Variants in SCHIP1 observed in about 807,000 individuals in gnomAD.
The protein encoded by SCHIP1 is schwannomin interacting protein 1, also known as schwannomin-interacting protein 1.
A neutral mutation model predicts 29.7 loss-of-function variants in SCHIP1; 8 were observed. The ratio of observed to expected loss-of-function variants is 0.27; its 90% CI spans 0.16 to 0.49. SCHIP1 has a LOEUF of 0.49. Among genes scored for constraint, SCHIP1 ranks in the 20% least tolerant of loss-of-function variants. SCHIP1 has a pLI of 0.99. For missense variants in SCHIP1, 193 were observed against 294.6 expected (o/e 0.66, Z 2.52); for synonymous variants, 76 against 94.9 (o/e 0.80, Z 1.16).
the SCHIP1 span, among the ~76,000 whole-genome samples, chr3:159,362,030 G>A: frequency 6.6e-6 from 1 of 152,156 alleles, no homozygotes; most frequent in African/African-American, 2.4e-5. Flanking sequence ...TATATAGTTG[G>A]TGAAGTCATT....
the SCHIP1 span, among the ~76,000 whole-genome samples, chr3:159,755,347 G>A: frequency 6.6e-6 from 1 of 152,148 alleles, no homozygotes; most frequent in Non-Finnish European, 1.5e-5. Flanking sequence ...TTATATGGAT[G>A]GCAGCAGGCA....
At chr3:159,511,039 T>C in the SCHIP1 span, among the ~76,000 whole-genome samples, 1 of 152,220 alleles carries the variant, frequency 6.6e-6, no homozygotes, top group African/African-American at 2.4e-5. Context: ...CTGCTGCCTT[T>C]TGTTTGGCTA....
At chr3:159,631,683 G>A in the SCHIP1 span, among the ~76,000 whole-genome samples, 1 of 152,142 alleles carries the variant, frequency 6.6e-6, no homozygotes, top group African/African-American at 2.4e-5. Flanking sequence ...ATGGGGAATA[G>A]GGAGTTATCG....
the SCHIP1 span, among the ~76,000 whole-genome samples, chr3:159,774,440 G>A: frequency 6.6e-6 from 1 of 152,116 alleles, no homozygotes; most frequent in Non-Finnish European, 1.5e-5. Flanking sequence ...ATTATGTCAA[G>A]CATGTTCTCC....
the SCHIP1 span, among the ~76,000 whole-genome samples, chr3:159,277,707 A>C: frequency 6.9e-6 from 1 of 144,108 alleles, no homozygotes; most frequent in African/African-American, 2.4e-5. Context: ...GGATCACCTG[A>C]GGTCAGGAGT....
At chr3:159,611,599 T>A in the SCHIP1 span, among the ~76,000 whole-genome samples, 1 of 151,998 alleles carries the variant, frequency 6.6e-6, no homozygotes, top group Non-Finnish European at 1.5e-5. Context: ...AAAACCTAGA[T>A]GACGGGTTGA....
At chr3:159,840,981 G>A (rs1413935965) in intron 1 of SCHIP1, among the ~76,000 whole-genome samples, 1 of 152,180 alleles carries the variant, frequency 6.6e-6, no homozygotes, top group Non-Finnish European at 1.5e-5. Flanking sequence ...CAGACAGCAA[G>A]AATGTTCTCA....
chr3:159,434,507 C>T, the SCHIP1 span, among the ~76,000 whole-genome samples: 4 of 152,204 alleles, frequency 2.6e-5, no homozygotes. Context: ...GTTAGTGTAT[C>T]AGCAATTCCA....
chr3:159,641,455 T>C, the SCHIP1 span, among the ~76,000 whole-genome samples: 1 of 152,202 alleles, frequency 6.6e-6, no homozygotes, highest in Non-Finnish European at 1.5e-5. Context: ...AGTTATGCTC[T>C]TAAATTTTAG....
In SCHIP1 at chr3:159,889,819, G is replaced by T. The variant is rs192255218; in HGVS notation, c.589+876G>T. ...TGAATTTAAAAAAGAAAAGCTGGCC[G>T]GGCGCGGTGGCTCATGCCTGTGATC... is the stretch of plus-strand genomic sequence containing the variant. On this transcript the variant is annotated intron_variant, in intron 5 of 6. Coordinates refer to ENST00000445224, the Ensembl canonical transcript of SCHIP1. Among the ~76,000 whole-genome samples, 15 of 152,294 alleles carry T rather than the reference G, an allele frequency of 9.8e-5. No individual in the cohort carries two copies. In the East Asian group the frequency reaches 2.7e-3, roughly 27 times the overall value.
chr3:159,430,763 A>G, the SCHIP1 span, among the ~76,000 whole-genome samples: 6 of 152,304 alleles, frequency 3.9e-5, no homozygotes, highest in African/African-American at 1.4e-4. Flanking sequence ...AAGTAGGCAT[A>G]TGTCTAAAGC....
At chr3:159,709,955 G>C in the SCHIP1 span, among the ~76,000 whole-genome samples, 1 of 152,174 alleles carries the variant, frequency 6.6e-6, no homozygotes, top group African/African-American at 2.4e-5. Flanking sequence ...GCAAAGATGT[G>C]GAGAAAAGGG....
At chr3:159,573,419 G>C in the SCHIP1 span, among the ~76,000 whole-genome samples, 3 of 151,926 alleles carry the variant, frequency 2.0e-5, no homozygotes, top group African/African-American at 7.2e-5. Flanking sequence ...ATTCTTTTAA[G>C]AATGTTGAAT....
At chr3:159,610,689 C>T in the SCHIP1 span, among the ~76,000 whole-genome samples, 2 of 151,978 alleles carry the variant, frequency 1.3e-5, no homozygotes, top group East Asian at 1.9e-4. Flanking sequence ...CTATCATTAG[C>T]GTGAAATCGT....
At chr3:159,522,719 A>G in the SCHIP1 span, among the ~76,000 whole-genome samples, 1 of 152,130 alleles carries the variant, frequency 6.6e-6, no homozygotes, top group Admixed American at 6.5e-5. Context: ...AAATACAAAA[A>G]TTAGCCGGGC....
the SCHIP1 span, among the ~76,000 whole-genome samples, chr3:159,300,257 A>G: frequency 6.6e-6 from 1 of 150,964 alleles, no homozygotes; most frequent in African/African-American, 2.4e-5. Flanking sequence ...TACCAAGTTG[A>G]TGGGACTACA....
At chr3:159,628,345 T>A in the SCHIP1 span, among the ~76,000 whole-genome samples, 1 of 152,190 alleles carries the variant, frequency 6.6e-6, no homozygotes, top group East Asian at 1.9e-4. Flanking sequence ...ATAGTTAACA[T>A]CATCCAGAGC....
the SCHIP1 span, among the ~76,000 whole-genome samples, chr3:159,353,010 A>G: frequency 6.6e-6 from 1 of 152,158 alleles, no homozygotes; most frequent in Admixed American, 6.6e-5. Flanking sequence ...TAAACGGTTA[A>G]GGGGAGGAAG....
At chr3:159,845,770 G>A (rs1224808728) in intron 1 of SCHIP1, 1 of 152,164 alleles carries the variant, frequency 6.6e-6, no homozygotes, top group Non-Finnish European at 1.5e-5. Flanking sequence ...ATAAATGTTT[G>A]TTGGATTGAA....
Sources: allele counts gnomAD v4.1 joint callset (sites outside exome capture counted in the v4.1 genomes callset), GRCh38; gene constraint gnomAD v4.1.1; transcripts MANE v1.5; gene names NCBI Gene and HGNC (gene_info 2026-07-23, HGNC 2026-07-21).